Variants in FBXW8 observed in about 807,000 individuals in gnomAD.
FBXW8 encodes F-box and WD repeat domain containing 8, also known as F-box/WD repeat-containing protein 8.
Under a neutral mutation model 65.3 loss-of-function variants are expected in FBXW8, and 57 were observed. The ratio of observed to expected loss-of-function variants is 0.87; its 90% CI spans 0.71 to 1.09. The LOEUF is 1.09. FBXW8 is among the 50% of genes least tolerant of loss of function. FBXW8 has a pLI of 0.00. For missense variants in FBXW8, 777 were observed against 814.8 expected (o/e 0.95, Z 0.57); for synonymous variants, 308 against 330.2 (o/e 0.93, Z 0.73).
chr12:116,945,296 G>T (rs1183241580), intron 2 of FBXW8, 68 bp from the exon 3 acceptor site: 1 of 1,525,212 alleles, frequency 6.6e-7, no homozygotes, highest in South Asian at 1.2e-5. Context: ...GGTGTTGATT[G>T]ATTTTTGGAT....
In FBXW8 at chr12:116,992,245, A is replaced by G. The variant is rs545742081; in HGVS notation, c.1239+3376A>G. Among the ~76,000 whole-genome samples the G allele has an allele frequency of 3.9e-4, 60 of 152,302 alleles. 1 individual carries two copies. Among genetic ancestry groups the G allele is most frequent in the African/African-American group, 1.4e-3 (59 of 41,566 alleles). On this transcript the variant is annotated intron_variant, in intron 7 of 10. Transcript: ENST00000652555. ...CAGCTCGGGTAGGAAGGGATCAGAC[A>G]GTCTGGGCCCTGAAACATCTTGATT...
intron 2 of FBXW8, among the ~76,000 whole-genome samples, chr12:116,934,329 T>G (rs1882005508): frequency 6.6e-6 from 1 of 152,206 alleles, no homozygotes. Context: ...GTGGGAGTGT[T>G]TCTTGCCGAA....
chr12:117,006,617 A>G (rs538974857), intron 7 of FBXW8, among the ~76,000 whole-genome samples: 8 of 152,342 alleles, frequency 5.3e-5, no homozygotes, highest in African/African-American at 1.9e-4. Context: ...CTGCCAGGAC[A>G]TGGCTAGAAG....
At chr12:116,964,950 T>C (rs6490101) in intron 5 of FBXW8, 96 bp downstream of exon 5, 1,230,841 of 1,274,924 alleles carry the variant, frequency 0.97, 594,524 homozygotes, top group Admixed American at 0.98. Flanking sequence ...TCCCTCCATA[T>C]GTACACGTGG....
At chr12:116,982,760 G>GA (rs1232051401) in intron 5 of FBXW8, among the ~76,000 whole-genome samples, 1 of 152,008 alleles carries the variant, frequency 6.6e-6, no homozygotes, top group Non-Finnish European at 1.5e-5. Flanking sequence ...GATTAATAAT[G>GA]AAAAATGTGT....
chr12:116,962,118 A>G (rs886210616), intron 4 of FBXW8, among the ~76,000 whole-genome samples: 4 of 152,182 alleles, frequency 2.6e-5, no homozygotes, highest in African/African-American at 9.7e-5. Flanking sequence ...GAATTCAGAC[A>G]CAGGCTAGCT....
intron 7 of FBXW8, among the ~76,000 whole-genome samples, chr12:116,994,199 A>G (rs10850741): frequency 0.82 from 124,621 of 152,108 alleles, 51,613 homozygotes; most frequent in East Asian, 0.96. Flanking sequence ...AGTAGATACC[A>G]GTACTGGTAT....
At chr12:116,970,496 G>A (rs1182119764) in intron 5 of FBXW8, among the ~76,000 whole-genome samples, 5 of 152,200 alleles carry the variant, frequency 3.3e-5, no homozygotes, top group Admixed American at 1.3e-4. Context: ...AACAATGGAC[G>A]GGGGTGGGTC....
chr12:116,929,560 A>G (rs1881608205), intron 2 of FBXW8, among the ~76,000 whole-genome samples: 1 of 152,022 alleles, frequency 6.6e-6, no homozygotes, highest in African/African-American at 2.4e-5. Flanking sequence ...TAAAAATTTC[A>G]TTTTATTTTT....
At chr12:116,982,628 T>C (rs1885390935) in intron 5 of FBXW8, among the ~76,000 whole-genome samples, 1 of 151,754 alleles carries the variant, frequency 6.6e-6, no homozygotes, top group South Asian at 2.1e-4. Flanking sequence ...CCTGGATTTT[T>C]TTTTTTTTTT....
chr12:116,955,048 G>GCCC (rs371974524), intron 4 of FBXW8, among the ~76,000 whole-genome samples: 3 of 146,760 alleles, frequency 2.0e-5, no homozygotes, highest in Non-Finnish European at 4.5e-5. Flanking sequence ...GGGGGGGGGG[G>GCCC]CCCTGTATTA....
At chr12:116,983,407 G>A (rs1391025436) in intron 5 of FBXW8, among the ~76,000 whole-genome samples, 1 of 152,212 alleles carries the variant, frequency 6.6e-6, no homozygotes, top group African/African-American at 2.4e-5. Context: ...AGAGTGCACT[G>A]TGTTTTAGAT....
At chr12:117,008,770 G>T (rs190819507) in intron 7 of FBXW8, among the ~76,000 whole-genome samples, 1 of 152,364 alleles carries the variant, frequency 6.6e-6, no homozygotes, top group African/African-American at 2.4e-5. Context: ...TGTGTGTGCT[G>T]AGAGGAGAAA....
chr12:116,976,835 A>T (rs1339341442), intron 5 of FBXW8, among the ~76,000 whole-genome samples: 1 of 152,170 alleles, frequency 6.6e-6, no homozygotes, highest in African/African-American at 2.4e-5. Flanking sequence ...AGGACAAAAA[A>T]AATTTATCGG....
intron 7 of FBXW8, among the ~76,000 whole-genome samples, chr12:117,000,584 G>A (rs543732347): frequency 1.6e-3 from 248 of 152,332 alleles, no homozygotes; most frequent in Non-Finnish European, 2.8e-3. Context: ...AGCAGCGGAG[G>A]CTGCTAGTCC....
chr12:116,955,507 GA>G (rs1565913052), intron 4 of FBXW8, among the ~76,000 whole-genome samples: 2 of 152,210 alleles, frequency 1.3e-5, no homozygotes, highest in Non-Finnish European at 2.9e-5. Context: ...AAATGCTAGC[GA>G]GGTTTAGTGT....
chr12:117,021,443 T>C (rs918810079), intron 8 of FBXW8, among the ~76,000 whole-genome samples: 8 of 152,328 alleles, frequency 5.3e-5, no homozygotes, highest in African/African-American at 1.4e-4. Flanking sequence ...AAACCCTTTT[T>C]TCACCTTCCA....
chr12:116,963,287 C>A (rs953341386), intron 4 of FBXW8, among the ~76,000 whole-genome samples: 4 of 152,098 alleles, frequency 2.6e-5, no homozygotes, highest in Non-Finnish European at 5.9e-5. Flanking sequence ...CAAAGCACTC[C>A]TGAATCAGAG....
At chr12:116,958,585 CT>C (rs1883796256) in intron 4 of FBXW8, among the ~76,000 whole-genome samples, 1 of 152,206 alleles carries the variant, frequency 6.6e-6, no homozygotes, top group South Asian at 2.1e-4. Flanking sequence ...AGTTTATAGG[CT>C]GCCAAGGGAT....
Sources: gnomAD v4.1 joint callset for allele counts (sites outside exome capture counted in the v4.1 genomes callset) on GRCh38, gnomAD v4.1.1 for gene constraint, MANE v1.5 for transcripts, NCBI Gene and HGNC (gene_info 2026-07-23, HGNC 2026-07-21) for gene names.